DMBX1: variants seen among roughly 807,000 people sequenced by gnomAD.
DMBX1 encodes the protein diencephalon/mesencephalon homeobox 1.
In DMBX1, 7 loss-of-function variants were observed where a neutral mutation model predicts 30.4. The ratio of observed to expected loss-of-function variants is 0.23; its 90% CI spans 0.13 to 0.43. The LOEUF is 0.43. DMBX1 is among the 20% of genes least tolerant of loss of function. DMBX1 has a pLI of 1.00. For synonymous variants in DMBX1, 222 were observed against 214.2 expected (o/e 1.04, Z -0.32); for missense variants, 460 against 508.5 (o/e 0.90, Z 0.92).
At chr1:46,495,924 G>A (rs896504523) in intron 2 of DMBX1, among the ~76,000 whole-genome samples, 1 of 152,140 alleles carries the variant, frequency 6.6e-6, no homozygotes, top group Non-Finnish European at 1.5e-5. Flanking sequence ...AAGGGGAGAT[G>A]ACAGATTTGG....
rs1665914141 is a variant in DMBX1, at chr1:46,490,725, G to T, written c.-71G>T. ...TGCACGAATTTTCCAGTTGAGGGTG[G>T]TTCGGCGCTCAGCCAGCCTCTGCCC... On this transcript the variant is annotated 5_prime_UTR_variant, in exon 2 of 6. Coordinates refer to ENST00000360032, the MANE Select transcript of DMBX1 (RefSeq NM_172225.2). Among the ~76,000 whole-genome samples the T allele has an allele frequency of 6.6e-6, 1 of 152,272 alleles. No homozygotes were observed. The highest frequency in any genetic ancestry group is 2.1e-4 in the South Asian group (1 of 4,836).
At chr1:46,507,502 G>A (rs1053426758) in intron 3 of DMBX1, among the ~76,000 whole-genome samples, 3 of 152,194 alleles carry the variant, frequency 2.0e-5, no homozygotes, top group African/African-American at 7.2e-5. Flanking sequence ...TGGCTGGGAA[G>A]TAGCTGGAAG....
chr1:46,500,470 C>A (rs1666103602), intron 2 of DMBX1, among the ~76,000 whole-genome samples: 1 of 152,004 alleles, frequency 6.6e-6, no homozygotes, highest in South Asian at 2.1e-4. Flanking sequence ...CCCTTCCCCA[C>A]CTGGAGCTTG....
In DMBX1 at chr1:46,511,054, C is replaced by T; in HGVS notation, c.453C>T (p.Pro151=). The T allele has an allele frequency of 6.2e-7, 1 of 1,614,126 alleles. No homozygotes were observed. The highest frequency in any genetic ancestry group is 8.5e-7 in the Non-Finnish European group (1 of 1,179,996). ...GSHGEGKAEA[P]TPDTQLDTEQ... is the part of the protein sequence containing the mutation. ...ATGGGGAAGGCAAGGCCGAGGCCCCCACTCCAGATACCCAGCTGGACACTG... is the reference window on the plus strand; with the variant it reads ...ATGGGGAAGGCAAGGCCGAGGCCCCTACTCCAGATACCCAGCTGGACACTG... Residue 151 remains proline, a synonymous_variant, in exon 5 of 6, where the codon CCC becomes CCT. Transcript: ENST00000360032.
chr1:46,503,938 C>T (rs1666182212), intron 2 of DMBX1, among the ~76,000 whole-genome samples: 1 of 152,208 alleles, frequency 6.6e-6, no homozygotes, highest in Non-Finnish European at 1.5e-5. Context: ...TTGGCAGCCT[C>T]TTGTTGAGGC....
Position 46,512,532 on chromosome 1 carries a change from C to A in DMBX1, c.*38C>A. The A allele has an allele frequency of 3.2e-6, 5 of 1,568,000 alleles. No individual in the cohort carries two copies. In the South Asian group the frequency reaches 5.9e-5, roughly 19 times the overall value. On this transcript the variant is annotated 3_prime_UTR_variant, in exon 6 of 6. Coordinates refer to ENST00000360032, the MANE Select transcript of DMBX1 (RefSeq NM_172225.2). The surrounding 1 kb of genome is among the most constrained non-coding windows in gnomAD (Gnocchi z 4.8). ...CAACCCAGCCAGGGGTCTTAGGTGT[C>A]CCCTCCTAGCCCTGTGGTTATCCCT...
chr1:46,512,098 C>G lies in DMBX1; in HGVS notation c.738C>G (p.Gly246=). The G allele has an allele frequency of 6.2e-7, 1 of 1,613,672 alleles. No individual in the cohort carries two copies. Among genetic ancestry groups the G allele is most frequent in the South Asian group, 1.1e-5 (1 of 91,076 alleles). Residue 246 remains glycine (G), a synonymous_variant, in exon 6 of 6, where the codon GGC becomes GGG. Coordinates refer to ENST00000360032, the MANE Select transcript of DMBX1 (RefSeq NM_172225.2). The surrounding 1 kb of genome is among the most constrained non-coding windows in gnomAD (Gnocchi z 4.8). ...TGGCCCCAGGGGGTGGCCTCCTGGG[C>G]CCCTCCCACTCCTATTCCTCGTCCC... ...TPVAPGGGLL[G]PSHSYSSSPL...
chr1:46,510,478 A>G lies in DMBX1; in HGVS notation c.157A>G (p.Ile53Val), dbSNP rs1666341659. ...CTCCAACGGCTGTACATTTCAAGACATCATCTTGGAGGCCCGTTATGGTTC... is the reference window on the plus strand; with the variant it reads ...CTCCAACGGCTGTACATTTCAAGACGTCATCTTGGAGGCCCGTTATGGTTC... ...ALTLAERLAD[I>V]ILEARYGSQH... is the part of the protein sequence containing the mutation. The change falls in exon 4 of 6, where the codon ATC becomes GTC. Residue 53 changes from isoleucine (I) to valine (V), a missense_variant and splice_region_variant. By Grantham distance (29) the Ile-to-Val change is conservative (BLOSUM62 3). This residue lies in a region of DMBX1 where 124 missense variants were observed against 144.0 expected (regional missense o/e 0.86). Transcript: ENST00000360032. This position sits in a 1 kb window ranked among gnomAD's most constrained non-coding sequence, Gnocchi z 4.1. 5.0e-6 allele frequency: 8 copies of G among 1,613,588 alleles called. No homozygotes were observed. Among genetic ancestry groups the G allele is most frequent in the Non-Finnish European group, 6.8e-6 (8 of 1,179,950 alleles).
chr1:46,504,647 G>A (rs1267605594), intron 2 of DMBX1, among the ~76,000 whole-genome samples: 2 of 148,558 alleles, frequency 1.3e-5, no homozygotes, highest in Non-Finnish European at 3.0e-5. Context: ...GTCAGGTAGT[G>A]TGATGCCTCC....
At chr1:46,504,035 T>A (rs1048686858) in intron 2 of DMBX1, among the ~76,000 whole-genome samples, 1 of 152,256 alleles carries the variant, frequency 6.6e-6, no homozygotes, top group African/African-American at 2.4e-5. Context: ...AAGGCTCATG[T>A]CCTTCGCCCA....
chr1:46,492,831 C>T (rs1191147269), intron 2 of DMBX1, among the ~76,000 whole-genome samples: 1 of 152,170 alleles, frequency 6.6e-6, no homozygotes, highest in African/African-American at 2.4e-5. Flanking sequence ...GACACAGTTC[C>T]ATACTCACAG....
chr1:46,494,197 C>G (rs1413512379), intron 2 of DMBX1, among the ~76,000 whole-genome samples: 1 of 152,268 alleles, frequency 6.6e-6, no homozygotes, highest in Non-Finnish European at 1.5e-5. Context: ...GCCTACCCCG[C>G]CACCTACCTG....
Position 46,510,029 on chromosome 1 carries a change from G to T in DMBX1, c.155-447G>T, listed in dbSNP as rs1452873632. On this transcript the variant is annotated intron_variant, in intron 3 of 5. Coordinates refer to ENST00000360032, the MANE Select transcript of DMBX1 (RefSeq NM_172225.2). The surrounding 1 kb of genome is among the most constrained non-coding windows in gnomAD (Gnocchi z 4.1). ...ACCAGCCCAGCCTGGCTTCTCATGG[G>T]CAGGGACCAGTACTCTGATGCTAAA... 6.6e-6 allele frequency among the ~76,000 whole-genome samples: 1 copy of T among 152,282 alleles called. No individual in the cohort carries two copies. The highest frequency in any genetic ancestry group is 1.9e-4 in the East Asian group (1 of 5,174).
intron 2 of DMBX1, among the ~76,000 whole-genome samples, chr1:46,495,760 C>T (rs1210756869): frequency 1.3e-5 from 2 of 152,186 alleles, no homozygotes; most frequent in Non-Finnish European, 2.9e-5. Flanking sequence ...GCAGGAGAGG[C>T]TTCCTGGAGA....
chr1:46,494,248 A>G (rs1045910036), intron 2 of DMBX1, among the ~76,000 whole-genome samples: 1 of 152,200 alleles, frequency 6.6e-6, no homozygotes, highest in Admixed American at 6.5e-5. Flanking sequence ...TTCGAGAAAA[A>G]GCAACAAAAA....
intron 2 of DMBX1, among the ~76,000 whole-genome samples, chr1:46,505,414 G>A (rs1321242385): frequency 1.4e-5 from 2 of 138,078 alleles, no homozygotes; most frequent in African/African-American, 2.8e-5. Context: ...GGAATACTAT[G>A]CAGCCATAAA....
intron 3 of DMBX1, among the ~76,000 whole-genome samples, chr1:46,509,206 G>T (rs1473178707): frequency 6.6e-6 from 1 of 152,024 alleles, no homozygotes; most frequent in Non-Finnish European, 1.5e-5. Context: ...CTGAGTAGCT[G>T]GGATTACAGG....
In DMBX1 at chr1:46,493,614, C is replaced by T. The variant is rs1255544223; in HGVS notation, c.-13+2831C>T. Among the ~76,000 whole-genome samples the T allele has an allele frequency of 6.6e-6, 1 of 152,216 alleles. No individual in the cohort carries two copies. Among genetic ancestry groups the T allele is most frequent in the Non-Finnish European group, 1.5e-5 (1 of 68,038 alleles). On this transcript the variant is annotated intron_variant, in intron 2 of 5. Coordinates refer to ENST00000360032, the MANE Select transcript of DMBX1 (RefSeq NM_172225.2). The surrounding 1 kb of genome is among the most constrained non-coding windows in gnomAD (Gnocchi z 4.1). Reference sequence around the variant, plus strand: ...GACAGCGGCAGGAGGGAGCACATTTCCCAGATGGGGTCACTCCTTCCCTCT... The same window carrying T: ...GACAGCGGCAGGAGGGAGCACATTTTCCAGATGGGGTCACTCCTTCCCTCT...
rs1049790500 is a variant in DMBX1, at chr1:46,493,884, T to C, written c.-13+3101T>C. Among the ~76,000 whole-genome samples, 15 of 152,240 alleles carry C rather than the reference T, an allele frequency of 9.9e-5. No homozygotes were observed. The highest frequency in any genetic ancestry group is 5.9e-5 in the Non-Finnish European group (4 of 68,040). On this transcript the variant is annotated intron_variant, in intron 2 of 5. Coordinates refer to ENST00000360032, the MANE Select transcript of DMBX1 (RefSeq NM_172225.2). The surrounding 1 kb of genome is among the most constrained non-coding windows in gnomAD (Gnocchi z 4.1). ...TAACTTGGGCCTAGAGCAGCTCTGC[T>C]CCTCAGGGTACTCTGTAGTCCCTGT...
Sources: gnomAD v4.1 joint callset for allele counts (sites outside exome capture counted in the v4.1 genomes callset) on GRCh38, gnomAD v4.1.1 for gene constraint, gnomAD v4.1.1 regional missense constraint, Gnocchi (gnomAD v3.1) non-coding constraint, MANE v1.5 for transcripts, NCBI Gene and HGNC (gene_info 2026-07-23, HGNC 2026-07-21) for gene names.